MYO15B: variants seen among roughly 807,000 people sequenced by gnomAD.
MYO15B encodes the protein myosin XVB pseudogene.
Under a neutral mutation model 119.3 loss-of-function variants are expected in MYO15B, and 207 were observed. The observed-to-expected ratio is 1.73, with a 90% CI of 1.55 to 1.95. The LOEUF is 1.95. MYO15B is among the 30% of genes most tolerant of loss of function. MYO15B has a pLI of 0.00. For missense variants in MYO15B, 2,264 were observed against 1,203.1 expected, an observed-to-expected ratio of 1.88 and a Z score of -13.04; for synonymous variants, 966 against 498.9, an observed-to-expected ratio of 1.94 and a Z score of -12.48.
chr17:75,592,771 G>C (rs2056559792), exon 9 of MYO15B: 1 of 702,794 alleles, frequency 1.4e-6, no homozygotes, highest in Non-Finnish European at 2.6e-6. Flanking sequence ...GCCCAGAGGA[G>C]TTGAATGCCG....
At chr17:75,624,248 G>A (rs750542283) in exon 56 of MYO15B, 39 of 702,968 alleles carry the variant, frequency 5.5e-5, no homozygotes, top group East Asian at 1.3e-4. Context: ...TGCCCCCACC[G>A]GGTGAAATGA....
rs897670549 is a variant in MYO15B, at chr17:75,620,714, G to T, written c.7725+78G>T. 9 of 691,472 alleles carry T rather than the reference G, an allele frequency of 1.3e-5. No individual in the cohort carries two copies. In the African/African-American group the frequency reaches 1.6e-4, roughly 12 times the overall value. The allele number at this position is 691,472 out of a possible 1,614,324, so 42.8% of individuals were successfully genotyped here. On this transcript the variant is annotated intron_variant, in intron 49 of 63. Coordinates refer to ENST00000645453, the Ensembl canonical transcript of MYO15B. ...GAAGGAAAGGGGTTTGACCACTCCC[G>T]AGGCTGCCATGCGGTGGGACCACCC...
At chr17:75,624,489 G>A in intron 57 of MYO15B, 42 bp downstream of exon 57, 1 of 703,052 alleles carries the variant, frequency 1.4e-6, no homozygotes, top group Admixed American at 2.0e-5. Flanking sequence ...TTGGGCATCA[G>A]TTCTGGGTCC....
chr17:75,619,874 C>T lies in MYO15B; in HGVS notation c.7302-5C>T, dbSNP rs773294354. 23 of 702,090 alleles carry T rather than the reference C, an allele frequency of 3.3e-5. No individual in the cohort carries two copies. The highest frequency in any genetic ancestry group is 4.4e-5 in the South Asian group (3 of 67,544). The allele number at this position is 702,090 out of a possible 1,614,324, so 43.5% of individuals were successfully genotyped here. A position where few individuals can be genotyped will look rare whatever the true frequency, so the allele number is the denominator to read the frequency against. On this transcript the variant is annotated splice_polypyrimidine_tract_variant and splice_region_variant and intron_variant, in intron 46 of 63. Coordinates refer to ENST00000645453, the Ensembl canonical transcript of MYO15B. ...GACCTCAGTTCATGCCCGATCCCTG[C>T]GCAGCTTTGCGGAGGTGCTGGGTGT...
rs1376649305 is a variant in MYO15B, at chr17:75,621,550, TG to T, written c.7987del (p.Ala2663LeufsTer2). 2.8e-6 allele frequency: 2 copies of T among 701,984 alleles called. No homozygotes were observed. The highest frequency in any genetic ancestry group is 2.0e-5 in the Admixed American group (1 of 50,004). The allele number at this position is 701,984 out of a possible 1,614,324, so 43.5% of individuals were successfully genotyped here. On this transcript the variant is annotated frameshift_variant, in exon 52 of 64. Transcript: ENST00000645453. LOFTEE classifies it high-confidence loss of function. ...AGCCTCAGTGATGATGTGAGCAAGC[TG>T]GCTGTAGCCAGCTTCCTGGGTGAGT...
At chr17:75,617,111 C>G (rs528901600) in exon 41 of MYO15B, 14 of 675,666 alleles carry the variant, frequency 2.1e-5, no homozygotes, top group South Asian at 2.0e-4. Context: ...CAGGAAAGGG[C>G]CCCCCGCCAG....
chr17:75,620,493 C>T (rs1421147403), exon 49 of MYO15B: 8 of 702,622 alleles, frequency 1.1e-5, no homozygotes, highest in Non-Finnish European at 1.8e-5. Context: ...TGCCGGGGGC[C>T]GTTCCGGACT....
In MYO15B at chr17:75,589,758, A is replaced by G. The variant is rs570509344; in HGVS notation, c.1701A>G (p.Ala567=). The G allele has an allele frequency of 2.8e-3, 1,108 of 398,242 alleles. 14 individuals are homozygous for G. Among genetic ancestry groups the G allele is most frequent in the African/African-American group, 0.02 (993 of 48,562 alleles). 24.7% of individuals were successfully genotyped at this position (398,242 alleles called of 1,614,324 possible). Residue 567 remains alanine (A), a synonymous_variant, in exon 1 of 64, where the codon GCA becomes GCG. Coordinates refer to ENST00000645453, the Ensembl canonical transcript of MYO15B. This position sits in a 1 kb window ranked among gnomAD's most constrained non-coding sequence, Gnocchi z 4.2. ...GCCGCAGCTCTGAAGAAGCGTCCGC[A>G]GATGCCCCCACGGGGGAAGGCCGAG...
chr17:75,596,615 A>G, intron 13 of MYO15B, 60 bp downstream of exon 13: 1 of 696,794 alleles, frequency 1.4e-6, no homozygotes, highest in Non-Finnish European at 2.6e-6. Context: ...GGCAGAGGCC[A>G]TCCTTGGTGA....
At chr17:75,625,260 C>T (rs369015466) in intron 60 of MYO15B, 22 bp downstream of exon 60, 9 of 682,116 alleles carry the variant, frequency 1.3e-5, no homozygotes, top group African/African-American at 1.1e-4. Context: ...CACCTCCCGC[C>T]CCTAAGCCCC....
In MYO15B at chr17:75,610,960, G is replaced by C. The variant is rs1284241079; in HGVS notation, c.4446+1G>C. 5 of 702,924 alleles carry C rather than the reference G, an allele frequency of 7.1e-6. No individual in the cohort carries two copies. The highest frequency in any genetic ancestry group is 1.3e-5 in the Non-Finnish European group (5 of 385,018). 43.5% of individuals were successfully genotyped at this position (702,924 alleles called of 1,614,324 possible). On this transcript the variant is annotated splice_donor_variant, in intron 23 of 63. Coordinates refer to ENST00000645453, the Ensembl canonical transcript of MYO15B. LOFTEE classifies it high-confidence loss of function. Reference sequence around the variant, plus strand: ...GGCCTTGGAGAGAGTGCCAAGCATGGTAGGTGGCCTGGAAAGTGGGGGGTT... The same window carrying C: ...GGCCTTGGAGAGAGTGCCAAGCATGCTAGGTGGCCTGGAAAGTGGGGGGTT...
chr17:75,625,715 A>T (rs1289115437), intron 61 of MYO15B, 55 bp downstream of exon 61: 1 of 701,714 alleles, frequency 1.4e-6, no homozygotes, highest in East Asian at 2.7e-5. Flanking sequence ...AGAGGGAAGG[A>T]ATGCAGGTAG....
In MYO15B at chr17:75,614,885, A is replaced by T. The variant is rs551002451; in HGVS notation, c.5559+36A>T. The T allele has an allele frequency of 3.4e-4, 236 of 702,730 alleles. 1 individual carries two copies. In the African/African-American group the frequency reaches 3.7e-3, roughly 11 times the overall value. The allele number at this position is 702,730 out of a possible 1,614,324, so 43.5% of individuals were successfully genotyped here. On this transcript the variant is annotated intron_variant, in intron 32 of 63. Transcript: ENST00000645453. ...CACAGCCCCCAAATGCCCCTGCCCC[A>T]ACCCCCCGGGGCCTCTGCTGCCCCT...
chr17:75,624,813 G>A (rs1408714962), exon 59 of MYO15B: 5 of 702,914 alleles, frequency 7.1e-6, no homozygotes. Flanking sequence ...TACCTCAACA[G>A]CGTGGTAGTG....
chr17:75,620,583 G>T (rs555929950), exon 49 of MYO15B: 1 of 702,766 alleles, frequency 1.4e-6, no homozygotes, highest in Admixed American at 2.0e-5. Context: ...CTGGCACAAG[G>T]GTCAGCTGTC....
At chr17:75,593,615 GAAAAA>G (rs1161115437) in intron 9 of MYO15B, among the ~76,000 whole-genome samples, 1 of 113,004 alleles carries the variant, frequency 8.8e-6, no homozygotes, top group Non-Finnish European at 1.7e-5. Context: ...CTCCGTCTCA[GAAAAA>G]AAAAAAAAAA....
At chr17:75,605,556 TGTG>T (rs1307773992) in exon 20 of MYO15B, 1 of 701,870 alleles carries the variant, frequency 1.4e-6, no homozygotes, top group African/African-American at 1.8e-5. Flanking sequence ...CCGGGAGAAG[TGTG>T]GTGCCGTCCT....
At chr17:75,621,633 C>A in intron 52 of MYO15B, 63 bp downstream of exon 52, 1 of 678,702 alleles carries the variant, frequency 1.5e-6, no homozygotes, top group Non-Finnish European at 2.7e-6. Flanking sequence ...GGTGTCTGGT[C>A]CCCTTATCTC....
exon 31 of MYO15B, chr17:75,614,640 C>T (rs752483809): frequency 2.9e-6 from 2 of 700,798 alleles, no homozygotes; most frequent in African/African-American, 3.5e-5. Context: ...CCCCAGGACC[C>T]CCTCCAGGTC....
Sources: gnomAD v4.1 joint callset for allele counts (sites outside exome capture counted in the v4.1 genomes callset) on GRCh38, gnomAD v4.1.1 for gene constraint, Gnocchi (gnomAD v3.1) non-coding constraint, MANE v1.5 for transcripts, NCBI Gene and HGNC (gene_info 2026-07-23, HGNC 2026-07-21) for gene names.